EYS: variants seen among roughly 807,000 people sequenced by gnomAD.
EYS encodes the protein EGF-like photoreceptor maintenance factor.
In EYS, 250 loss-of-function variants were observed where a neutral mutation model predicts 282.1. The ratio of observed to expected loss-of-function variants is 0.89; its 90% CI spans 0.80 to 0.98. The LOEUF is 0.98. EYS is among the 50% of genes least tolerant of loss of function. The pLI is 0.00. For missense variants in EYS, 4,016 were observed against 3,709.0 expected (o/e 1.08, Z -2.15); for synonymous variants, 1,355 against 1,282.9 (o/e 1.06, Z -1.20).
intron 19 of EYS, 71 bp from the exon 20 acceptor site, chr6:64,822,893 G>A: frequency 3.2e-6 from 4 of 1,266,220 alleles, no homozygotes; most frequent in Non-Finnish European, 3.3e-6. Context: ...TGTTCATTAT[G>A]GTAAACATCA....
intron 31 of EYS, among the ~76,000 whole-genome samples, chr6:64,194,739 T>TC (rs1765229792): frequency 2.0e-5 from 3 of 152,058 alleles, no homozygotes; most frequent in South Asian, 2.1e-4. Context: ...ATATATATAT[T>TC]CAAAATATAT....
chr6:65,135,622 A>T (rs913538810), intron 12 of EYS, among the ~76,000 whole-genome samples: 2 of 152,026 alleles, frequency 1.3e-5, no homozygotes, highest in African/African-American at 4.8e-5. Flanking sequence ...AAGTCTGTTA[A>T]ATATCACTTC....
chr6:64,387,458 T>A (rs1376325829), intron 29 of EYS, among the ~76,000 whole-genome samples: 1 of 152,124 alleles, frequency 6.6e-6, no homozygotes, highest in East Asian at 1.9e-4. Flanking sequence ...ATTTATATTT[T>A]ATTTGGGAAA....
intron 30 of EYS, among the ~76,000 whole-genome samples, chr6:64,294,205 A>G (rs1370489958): frequency 3.3e-5 from 5 of 152,224 alleles, no homozygotes; most frequent in African/African-American, 1.2e-4. Context: ...ATCACCAAAT[A>G]AAAACCAAAA....
chr6:64,506,511 A>C (rs953751963), intron 26 of EYS, among the ~76,000 whole-genome samples: 6 of 152,202 alleles, frequency 3.9e-5, no homozygotes, highest in African/African-American at 1.2e-4. Context: ...TTAGCACAAT[A>C]AAATTTAATA....
intron 28 of EYS, among the ~76,000 whole-genome samples, chr6:64,392,636 A>T: frequency 6.6e-6 from 1 of 151,204 alleles, no homozygotes; most frequent in Non-Finnish European, 1.5e-5. Context: ...CAGTGTGTAG[A>T]GGGAAATTTA....
At chr6:64,939,311 T>C (rs772530930) in intron 15 of EYS, among the ~76,000 whole-genome samples, 23 of 151,806 alleles carry the variant, frequency 1.5e-4, no homozygotes, top group South Asian at 8.3e-4. Flanking sequence ...AAGCAAATAA[T>C]ATATCAAAAA....
At chr6:65,511,111 T>C (rs1340659785) in intron 2 of EYS, among the ~76,000 whole-genome samples, 1 of 152,130 alleles carries the variant, frequency 6.6e-6, no homozygotes, top group East Asian at 1.9e-4. Context: ...TGCAATAAAA[T>C]TGACAAACAG....
intron 2 of EYS, among the ~76,000 whole-genome samples, chr6:65,628,456 A>AC (rs1016070088): frequency 1.1e-4 from 16 of 152,048 alleles, no homozygotes; most frequent in African/African-American, 3.6e-4. Context: ...AGCAATGGCA[A>AC]CCCCCTGGGG....
At position 65,256,259 on chromosome 6, in the gene EYS, CTTCTTTTTTTTT is replaced by C. The variant is rs200990185; in HGVS notation, c.2023+39592_2023+39603del. ...AATAAGCCAGGAACAGAAAGACAAA[CTTCTTTTTTTTT>C]TTCTTTTTTTTTTTTAATTAAAGTT... On this transcript the variant is annotated intron_variant, in intron 12 of 42. Coordinates refer to ENST00000503581, the MANE Select transcript of EYS (RefSeq NM_001142800.2). Among the ~76,000 whole-genome samples, 839 of 145,018 alleles carry C rather than the reference CTTCTTTTTTTTT, an allele frequency of 5.8e-3. 9 individuals carry two copies. Among genetic ancestry groups the C allele is most frequent in the Admixed American group, 0.021 (310 of 14,774 alleles).
At chr6:64,288,102 T>C (rs976508587) in intron 30 of EYS, among the ~76,000 whole-genome samples, 13 of 152,144 alleles carry the variant, frequency 8.5e-5, no homozygotes, top group African/African-American at 2.9e-4. Flanking sequence ...AAGCCAGTTC[T>C]TTCATGCATT....
At chr6:65,321,590 G>A (rs1769477140) in intron 11 of EYS, among the ~76,000 whole-genome samples, 1 of 152,188 alleles carries the variant, frequency 6.6e-6, no homozygotes, top group Non-Finnish European at 1.5e-5. Flanking sequence ...AAGTTTCTTT[G>A]TGTTGGGAGC....
At chr6:65,642,909 T>C (rs900828095) in intron 1 of EYS, among the ~76,000 whole-genome samples, 2 of 152,216 alleles carry the variant, frequency 1.3e-5, no homozygotes, top group African/African-American at 2.4e-5. Flanking sequence ...AAAATGTAGA[T>C]AGGAGGCAGG....
At position 64,236,838 on chromosome 6, in the gene EYS, A is replaced by G. The variant is rs1016778446; in HGVS notation, c.6192-6014T>C. 4.0e-5 allele frequency among the ~76,000 whole-genome samples: 6 copies of G among 151,562 alleles called. No homozygotes were observed. The East Asian group carries it at 9.7e-4, about 24-fold the overall frequency. ...TTAAGTTCTAGGGTACATGTTCACAATGTGCCGGGATAGATACCTAATGTA... is the reference window on the plus strand; with the variant it reads ...TTAAGTTCTAGGGTACATGTTCACAGTGTGCCGGGATAGATACCTAATGTA... On this transcript the variant is annotated intron_variant, in intron 30 of 42. Transcript: ENST00000503581.
At chr6:65,653,924 G>C (rs1454632533) in intron 1 of EYS, among the ~76,000 whole-genome samples, 1 of 152,030 alleles carries the variant, frequency 6.6e-6, no homozygotes, top group East Asian at 1.9e-4. Context: ...TGTATCTTCT[G>C]CCCTCACTTT....
intron 33 of EYS, among the ~76,000 whole-genome samples, chr6:64,040,072 A>G (rs908227289): frequency 6.6e-6 from 1 of 152,230 alleles, no homozygotes; most frequent in African/African-American, 2.4e-5. Flanking sequence ...CTTAATTAGC[A>G]GTAACTTAAT....
At chr6:65,676,011 A>T (rs1180170566) in intron 1 of EYS, among the ~76,000 whole-genome samples, 1 of 151,868 alleles carries the variant, frequency 6.6e-6, no homozygotes, top group East Asian at 1.9e-4. Flanking sequence ...AATCGAGGGA[A>T]ATTAGAATAT....
rs778809745 is a variant in EYS, at chr6:63,937,345, C to CTTTTTTTTTTTTTTT, written c.7055+47023_7055+47037dup. ...CAAATTTTCTAGGCTTCTCTCTTTT[C>CTTTTTTTTTTTTTTT]TTTTTTTTTTTTTTTTTTTTTTTTT... On this transcript the variant is annotated intron_variant, in intron 35 of 42. Transcript: ENST00000503581. Among the ~76,000 whole-genome samples the CTTTTTTTTTTTTTTT allele has an allele frequency of 1.7e-4, 9 of 54,470 alleles. 1 individual carries two copies. Among genetic ancestry groups the CTTTTTTTTTTTTTTT allele is most frequent in the Non-Finnish European group, 2.5e-4 (7 of 28,442 alleles). 35.7% of individuals were successfully genotyped at this position (54,470 alleles called of 152,430 possible).
chr6:64,527,154 T>C (rs953358796), intron 26 of EYS, among the ~76,000 whole-genome samples: 1 of 151,798 alleles, frequency 6.6e-6, no homozygotes, highest in Non-Finnish European at 1.5e-5. Flanking sequence ...CAAAGCTAAA[T>C]ATAGAGATTT....
Sources: allele counts gnomAD v4.1 joint callset (sites outside exome capture counted in the v4.1 genomes callset), GRCh38; gene constraint gnomAD v4.1.1; transcripts MANE v1.5; gene names NCBI Gene and HGNC (gene_info 2026-07-23, HGNC 2026-07-21).